GUF1: variants seen among roughly 807,000 people sequenced by gnomAD.
The protein encoded by GUF1 is translation factor GUF1, mitochondrial.
Under a neutral mutation model 82.4 loss-of-function variants are expected in GUF1, and 78 were observed. The ratio of observed to expected loss-of-function variants is 0.95; its 90% CI spans 0.79 to 1.14. The LOEUF is 1.14. Among genes scored for constraint, GUF1 ranks in the 50% most tolerant of loss-of-function variants. The probability of loss-of-function intolerance (pLI) is 0.00; values close to 1 mark genes in which losing one functional copy is unlikely to be tolerated. For synonymous variants in GUF1, 279 were observed against 282.3 expected, an observed-to-expected ratio of 0.99 and a Z score of 0.12; for missense variants, 814 against 798.2, an observed-to-expected ratio of 1.02 and a Z score of -0.24.
chr4:44,681,188 G>A lies in GUF1; in HGVS notation c.492G>A (p.Val164=). 6.2e-7 allele frequency: 1 copy of A among 1,611,748 alleles called. No individual in the cohort carries two copies. Among genetic ancestry groups the A allele is most frequent in the South Asian group, 1.1e-5 (1 of 91,018 alleles). The change falls in exon 4 of 17, where the codon GTG becomes GTA. Residue 164 remains valine, a synonymous_variant. Transcript: ENST00000281543. ...CTGCTTGCCAGGGTGTTTTACTTGTGGTTGATGCAAATGAGGTAGGTATTT... is the reference window on the plus strand; with the variant it reads ...CTGCTTGCCAGGGTGTTTTACTTGTAGTTGATGCAAATGAGGTAGGTATTT... The part of the protein sequence containing the change: ...SLSACQGVLL[V]VDANEGIQAQ...
chr4:44,679,971 T>C (rs895935623), intron 1 of GUF1, among the ~76,000 whole-genome samples: 4 of 152,274 alleles, frequency 2.6e-5, no homozygotes, highest in African/African-American at 7.2e-5. Flanking sequence ...AGTAGCAAAA[T>C]TGTATTTAAA....
At chr4:44,687,951 G>A (rs771310462) in intron 8 of GUF1, 56 bp from the exon 9 acceptor site, 1 of 1,499,472 alleles carries the variant, frequency 6.7e-7, no homozygotes, top group Non-Finnish European at 9.2e-7. Flanking sequence ...CTAATTGTGA[G>A]TTATGTGCTT....
chr4:44,694,571 T>TCAAAAAAAAAAAA, intron 14 of GUF1, 58 bp downstream of exon 14: 2 of 1,088,532 alleles, frequency 1.8e-6, no homozygotes, highest in Middle Eastern at 2.7e-4. Flanking sequence ...TGTTTTTCAT[T>TCAAAAAAAAAAAA]TATTTTTGTT....
At chr4:44,686,426 G>T in intron 7 of GUF1, 84 bp from the exon 8 acceptor site, 1 of 810,578 alleles carries the variant, frequency 1.2e-6, no homozygotes, top group Non-Finnish European at 1.8e-6. Flanking sequence ...AAGAACTCAA[G>T]TACAATATCT....
intron 6 of GUF1, among the ~76,000 whole-genome samples, chr4:44,684,936 A>G (rs1232639757): frequency 6.6e-6 from 1 of 152,126 alleles, no homozygotes; most frequent in African/African-American, 2.4e-5. Flanking sequence ...TGTTCTGTAT[A>G]TGGGCATAGA....
chr4:44,698,707 T>C lies in GUF1; in HGVS notation c.*26T>C, dbSNP rs1577572444. 3 of 1,569,352 alleles carry C rather than the reference T, an allele frequency of 1.9e-6. No individual in the cohort carries two copies. The highest frequency in any genetic ancestry group is 2.0e-5 in the Admixed American group (1 of 50,670). The stretch of plus-strand genomic sequence containing the variant: ...TTGGTGGGAAAACAAAGAATTTTCA[T>C]TGCAATTTGTAATATGCTGACAACA... On this transcript the variant is annotated 3_prime_UTR_variant, in exon 17 of 17. Transcript: ENST00000281543.
chr4:44,682,455 A>G, intron 5 of GUF1, 44 bp downstream of exon 5: 2 of 1,016,544 alleles, frequency 2.0e-6, no homozygotes, highest in Non-Finnish European at 1.4e-6. Context: ...ACTTTCTAAA[A>G]GTACAATTAA....
At chr4:44,684,723 G>A (rs944978133) in intron 6 of GUF1, among the ~76,000 whole-genome samples, 4 of 152,084 alleles carry the variant, frequency 2.6e-5, no homozygotes, top group Non-Finnish European at 5.9e-5. Context: ...GCTAAACTGA[G>A]CACTGTCTAC....
chr4:44,683,320 T>TAA lies in GUF1; in HGVS notation c.669+5_669+6dup, dbSNP rs1714876235. On this transcript the variant is annotated splice_region_variant and intron_variant, in intron 6 of 16. Transcript: ENST00000281543. ...ATTCCAAGTGATGAATGTATTAAGG[T>TAA]AAAATACGTTCCTAAAAAGATTATA... The TAA allele has an allele frequency of 2.0e-6, 3 of 1,492,524 alleles. No homozygotes were observed. The highest frequency in any genetic ancestry group is 2.7e-6 in the Non-Finnish European group (3 of 1,098,280). The allele number at this position is 1,492,524 out of a possible 1,614,324, so 92.5% of individuals were successfully genotyped here. A position where few individuals can be genotyped will look rare whatever the true frequency, so the allele number is the denominator to read the frequency against.
At chr4:44,684,859 CTTG>C (rs1560342242) in intron 6 of GUF1, among the ~76,000 whole-genome samples, 1 of 152,214 alleles carries the variant, frequency 6.6e-6, no homozygotes, top group Non-Finnish European at 1.5e-5. Flanking sequence ...GGCAAGATAG[CTTG>C]TTGTCAGATA....
intron 14 of GUF1, among the ~76,000 whole-genome samples, chr4:44,694,803 T>A (rs1715688073): frequency 6.7e-6 from 1 of 149,364 alleles, no homozygotes; most frequent in African/African-American, 2.5e-5. Context: ...ACAAGTTTTT[T>A]TGTTTTGTTT....
rs199665443 is a variant in GUF1, at chr4:44,697,388, C to T, written c.1836-20C>T. 1.2e-4 allele frequency: 177 copies of T among 1,521,548 alleles called. No homozygotes were observed. Among genetic ancestry groups the T allele is most frequent in the Middle Eastern group, 1.7e-4 (1 of 5,776 alleles). The allele number at this position is 1,521,548 out of a possible 1,614,324, so 94.3% of individuals were successfully genotyped here. A position where few individuals can be genotyped will look rare whatever the true frequency, so the allele number is the denominator to read the frequency against. On this transcript the variant is annotated intron_variant, in intron 15 of 16. Coordinates refer to ENST00000281543, the MANE Select transcript of GUF1 (RefSeq NM_021927.3). ...AGTATAATGGAATTATGTACTTAAACGAATTTTTCTCTTTTACAGTGTGAA... is the reference window on the plus strand; with the variant it reads ...AGTATAATGGAATTATGTACTTAAATGAATTTTTCTCTTTTACAGTGTGAA...
intron 6 of GUF1, among the ~76,000 whole-genome samples, chr4:44,684,942 A>G (rs1285750559): frequency 6.6e-6 from 1 of 152,132 alleles, no homozygotes. Context: ...GTATATGGGC[A>G]TAGAAAAAAC....
At position 44,688,006 on chromosome 4, in the gene GUF1, G is replaced by T; in HGVS notation, c.939-1G>T. ...TATTTGCATATAATAATTTTATTTAGATATGCAGGACAGGTGGGCTATCTG... is the reference window on the plus strand; with the variant it reads ...TATTTGCATATAATAATTTTATTTATATATGCAGGACAGGTGGGCTATCTG... On this transcript the variant is annotated splice_acceptor_variant, in intron 8 of 16. Transcript: ENST00000281543. LOFTEE classifies it high-confidence loss of function. 6.2e-7 allele frequency: 1 copy of T among 1,606,754 alleles called. No homozygotes were observed. Among genetic ancestry groups the T allele is most frequent in the African/African-American group, 1.3e-5 (1 of 74,646 alleles).
intron 16 of GUF1, 75 bp downstream of exon 16, chr4:44,697,519 A>C: frequency 1.4e-6 from 1 of 721,920 alleles, no homozygotes; most frequent in South Asian, 2.5e-5. Context: ...AAACTTATTG[A>C]TTTCCATTGT....
In GUF1 at chr4:44,685,998, C is replaced by T. The variant is rs1021921516; in HGVS notation, c.709C>T (p.Gln237Ter). Residue 237 changes from glutamine to a stop codon, truncating the protein, a stop_gained, in exon 7 of 17, where the codon CAG (glutamine) becomes TAG (stop). Coordinates refer to ENST00000281543, the MANE Select transcript of GUF1 (RefSeq NM_021927.3). LOFTEE classifies it high-confidence loss of function. ...TGGAACAAATGTTGAGAGTGTTCTT[C>T]AGGCAATTATTGAAAGAATCCCCCC... ...KLGTNVESVL[Q>*]AIIERIPPPK... 2.5e-6 allele frequency: 4 copies of T among 1,606,412 alleles called. 1 individual carries two copies. In the South Asian group the frequency reaches 4.4e-5, roughly 18 times the overall value.
At chr4:44,696,641 T>TA (rs1347270233) in intron 15 of GUF1, among the ~76,000 whole-genome samples, 1 of 152,152 alleles carries the variant, frequency 6.6e-6, no homozygotes, top group Non-Finnish European at 1.5e-5. Flanking sequence ...ATCATGTTAA[T>TA]ATAGACTTGA....
chr4:44,694,435 A>G lies in GUF1; in HGVS notation c.1637A>G (p.Tyr546Cys). The G allele has an allele frequency of 2.5e-6, 4 of 1,611,062 alleles. No individual in the cohort carries two copies. Among genetic ancestry groups the G allele is most frequent in the Admixed American group, 1.7e-5 (1 of 59,916 alleles). The change falls in exon 14 of 17, where the codon TAC (tyrosine) becomes TGC (cysteine). Residue 546 changes from tyrosine (Y) to cysteine (C), a missense_variant. Transcript: ENST00000281543. ...AGTTTTGATTACGAAGATGCAGGCT[A>G]CCAGACTGCAGAACTTGTAAAAATG... ...YASFDYEDAG[Y>C]QTAELVKMDI...
Position 44,698,680 on chromosome 4 carries a change from A to T in GUF1, c.2009A>T (p.Ter670LeuextTer22). 5 of 1,585,192 alleles carry T rather than the reference A, an allele frequency of 3.2e-6. No homozygotes were observed. Among genetic ancestry groups the T allele is most frequent in the Non-Finnish European group, 4.3e-6 (5 of 1,171,432 alleles). ...GTTCTGAAAACACAATCTTCTAAAT[A>T]ATTGGTGGGAAAACAAAGAATTTTC... ...IKVLKTQSSK[*>L] Residue 670 changes from the stop codon to leucine, a stop_lost, in exon 17 of 17, where the codon TAA becomes TTA. Coordinates refer to ENST00000281543, the MANE Select transcript of GUF1 (RefSeq NM_021927.3).
Sources: allele counts gnomAD v4.1 joint callset (sites outside exome capture counted in the v4.1 genomes callset), GRCh38; gene constraint gnomAD v4.1.1; transcripts MANE v1.5; gene names NCBI Gene and HGNC (gene_info 2026-07-23, HGNC 2026-07-21).